Variants in TENM1 observed in about 807,000 individuals in gnomAD.
TENM1 encodes teneurin-1.
Under a neutral mutation model 174.8 loss-of-function variants are expected in TENM1, and 35 were observed. The observed-to-expected ratio is 0.20, with a 90% CI of 0.15 to 0.27. The LOEUF (loss-of-function observed/expected upper bound fraction) is 0.27, where lower values mean the gene tolerates loss of function less well. Ranked by LOEUF, TENM1 falls within the 10% of genes least tolerant of loss-of-function variation. The pLI, the probability that TENM1 is intolerant of heterozygous loss-of-function variation, is 1.00. For synonymous variants in TENM1, 781 were observed against 798.7 expected, an observed-to-expected ratio of 0.98 and a Z score of 0.37; for missense variants, 1,633 against 2,130.1, an observed-to-expected ratio of 0.77 and a Z score of 4.59.
intron 22 of TENM1, among the ~76,000 whole-genome samples, chrX:124,480,724 A>G (rs779922303): frequency 8.9e-6 from 1 of 111,936 alleles, no homozygotes; most frequent in Non-Finnish European, 1.9e-5. Flanking sequence ...TATTATTTGT[A>G]TAATAACTAA....
At chrX:125,167,754 G>C in the TENM1 span, among the ~76,000 whole-genome samples, 1 of 110,961 alleles carries the variant, frequency 9.0e-6, no homozygotes, top group African/African-American at 3.3e-5. Flanking sequence ...GTAATAAATA[G>C]AAAAAGATTA....
chrX:125,026,289 A>C, the TENM1 span, among the ~76,000 whole-genome samples: 1 of 111,326 alleles, frequency 9.0e-6, no homozygotes, highest in Non-Finnish European at 1.9e-5. Flanking sequence ...TAGCATGCAA[A>C]TGCATTTGAA....
chrX:124,757,219 C>T (rs1427848234), intron 3 of TENM1, among the ~76,000 whole-genome samples: 4 of 112,481 alleles, frequency 3.6e-5, no homozygotes, highest in African/African-American at 9.7e-5. Flanking sequence ...CCCCCAGCCT[C>T]GCTGCCACCT....
At chrX:125,172,547 T>C in the TENM1 span, among the ~76,000 whole-genome samples, 7 of 111,511 alleles carry the variant, frequency 6.3e-5, no homozygotes, top group South Asian at 1.1e-3. Flanking sequence ...GTTAAAATAT[T>C]GTCTAGACCA....
intron 3 of TENM1, among the ~76,000 whole-genome samples, chrX:124,852,894 C>T (rs965021412): frequency 9.0e-6 from 1 of 111,506 alleles, no homozygotes; most frequent in Non-Finnish European, 1.9e-5. Flanking sequence ...AACAATTGTA[C>T]AATTACACAA....
At chrX:124,767,321 T>TTG (rs758583624) in intron 3 of TENM1, among the ~76,000 whole-genome samples, 26 of 110,476 alleles carry the variant, frequency 2.4e-4, no homozygotes, top group African/African-American at 7.2e-4. Context: ...TCATGAGTAT[T>TTG]TGTGTGTGTG....
chrX:124,980,857 A>C, the TENM1 span, among the ~76,000 whole-genome samples: 1 of 111,571 alleles, frequency 9.0e-6, no homozygotes. Flanking sequence ...GGTGATTATG[A>C]ATGATTTTTA....
At chrX:124,391,974 C>G in intron 28 of TENM1, 78 bp downstream of exon 31, 1 of 889,680 alleles carries the variant, frequency 1.1e-6, no homozygotes. Flanking sequence ...CAGGTCCTCA[C>G]CAAGATGGAC....
chrX:124,941,681 C>T (rs147407520), intron 1 of TENM1, among the ~76,000 whole-genome samples: 3 of 112,168 alleles, frequency 2.7e-5, no homozygotes, highest in African/African-American at 6.5e-5. Context: ...CCCCCTAAAA[C>T]TCTGCCTTCT....
At chrX:124,852,448 G>T (rs943730610) in intron 3 of TENM1, among the ~76,000 whole-genome samples, 3 of 110,841 alleles carry the variant, frequency 2.7e-5, no homozygotes, top group African/African-American at 9.8e-5. Flanking sequence ...AGAGTTATTA[G>T]AATTTGGAAC....
At chrX:124,438,643 G>A (rs1012155000) in intron 23 of TENM1, among the ~76,000 whole-genome samples, 4 of 111,675 alleles carry the variant, frequency 3.6e-5, no homozygotes, top group Non-Finnish European at 5.6e-5. Context: ...CATTGAGCAC[G>A]GTACTTGACT....
At chrX:124,569,009 G>A (rs1332242849) in intron 11 of TENM1, among the ~76,000 whole-genome samples, 2 of 111,621 alleles carry the variant, frequency 1.8e-5, no homozygotes, top group African/African-American at 3.3e-5. Flanking sequence ...TTTGAGAACA[G>A]CCTGTGCAAC....
At chrX:124,629,823 A>G (rs370841466) in intron 11 of TENM1, among the ~76,000 whole-genome samples, 1 of 112,268 alleles carries the variant, frequency 8.9e-6, no homozygotes. Flanking sequence ...CTCATTGCCA[A>G]CTTTCTAGAG....
At chrX:124,866,868 T>A (rs770512054) in intron 3 of TENM1, among the ~76,000 whole-genome samples, 1 of 110,927 alleles carries the variant, frequency 9.0e-6, no homozygotes, top group South Asian at 3.7e-4. Flanking sequence ...TATCTGCAAC[T>A]ATATGCTAAT....
rs759592329 is a variant in TENM1 at position 124,879,314 on chromosome X, T to C, written c.535+14982A>G. On this transcript the variant is annotated intron_variant, in intron 3 of 31. Transcript: ENST00000422452. ...TCCCATCCTCTGGTATCTATCATTCTAAACTCCATCTCCATGAGATCAACT... is the reference window on the plus strand; with the variant it reads ...TCCCATCCTCTGGTATCTATCATTCCAAACTCCATCTCCATGAGATCAACT... 7.1e-5 allele frequency among the ~76,000 whole-genome samples: 8 copies of C among 112,287 alleles called. No individual in the cohort carries two copies. The South Asian group carries it at 2.2e-3, about 31-fold the overall frequency.
At chrX:124,857,348 T>A (rs1192624913) in intron 3 of TENM1, among the ~76,000 whole-genome samples, 6 of 111,631 alleles carry the variant, frequency 5.4e-5, no homozygotes, top group Non-Finnish European at 7.6e-5. Context: ...ACAATCCAAA[T>A]GTCCATCAAC....
At chrX:124,510,775 T>TACGCACACACACAC (rs2047562643) in intron 18 of TENM1, among the ~76,000 whole-genome samples, 1 of 103,543 alleles carries the variant, frequency 9.7e-6, no homozygotes, top group Non-Finnish European at 2.0e-5. Flanking sequence ...CATGGGGAGA[T>TACGCACACACACAC]ACACACACAC....
At chrX:124,546,201 T>C (rs1362416186) in intron 15 of TENM1, among the ~76,000 whole-genome samples, 1 of 111,973 alleles carries the variant, frequency 8.9e-6, no homozygotes, top group African/African-American at 3.2e-5. Flanking sequence ...AATATTGACT[T>C]GTGGAATGCA....
intron 1 of TENM1, among the ~76,000 whole-genome samples, chrX:124,962,860 C>A (rs1289661557): frequency 9.0e-6 from 1 of 111,392 alleles, no homozygotes. Context: ...AACAAAAAAA[C>A]AAAAAACCTT....
Sources: gnomAD v4.1 joint callset for allele counts (sites outside exome capture counted in the v4.1 genomes callset) on GRCh38, gnomAD v4.1.1 for gene constraint, MANE v1.5 for transcripts, NCBI Gene and HGNC (gene_info 2026-07-23, HGNC 2026-07-21) for gene names.